PCDH15: variants seen among roughly 807,000 people sequenced by gnomAD.
PCDH15 encodes protocadherin-15.
PCDH15 carries 129 observed loss-of-function variants against 178.5 expected under a neutral mutation model. That is an observed-to-expected ratio of 0.72 (90% CI 0.63 to 0.84). PCDH15 has a LOEUF of 0.84. Ranked by LOEUF, PCDH15 falls within the 40% of genes least tolerant of loss-of-function variation. The pLI, the probability that PCDH15 is intolerant of heterozygous loss-of-function variation, is 0.00. For synonymous variants in PCDH15, 800 were observed against 732.0 expected (o/e 1.09, Z -1.50); for missense variants, 2,230 against 2,099.9 (o/e 1.06, Z -1.21).
chr10:55,071,041 C>G (rs1340776116), intron 2 of PCDH15, among the ~76,000 whole-genome samples: 1 of 152,048 alleles, frequency 6.6e-6, no homozygotes, highest in South Asian at 2.1e-4. Flanking sequence ...TACAGACAAG[C>G]AAATGCTGAG....
At chr10:54,628,249 A>G (rs1366993792) in intron 2 of PCDH15, among the ~76,000 whole-genome samples, 2 of 152,196 alleles carry the variant, frequency 1.3e-5, no homozygotes, top group Non-Finnish European at 2.9e-5. Flanking sequence ...ATGCACGAGA[A>G]GAAGCAGGAA....
rs78722682 is a variant in PCDH15 at position 55,316,739 on chromosome 10, T to C, written c.-156+2860A>G. On this transcript the variant is annotated intron_variant, in intron 1 of 5. Transcript: ENST00000458638. ...ACTTCTAAGTATCAGTTTCCTTTTC[T>C]GTAATACAGGCACATTAATATGTTA... 0.012 allele frequency among the ~76,000 whole-genome samples: 1,812 copies of C among 152,286 alleles called. 62 individuals carry two copies. The East Asian group carries it at 0.14, about 12-fold the overall frequency.
At chr10:54,908,473 G>A (rs1192620241) in intron 2 of PCDH15, among the ~76,000 whole-genome samples, 1 of 152,078 alleles carries the variant, frequency 6.6e-6, no homozygotes, top group Non-Finnish European at 1.5e-5. Context: ...CTAGGTCTGG[G>A]GCCCCACAAG....
At chr10:55,622,671 A>G (rs1041054028) in intron 2 of PCDH15, among the ~76,000 whole-genome samples, 1 of 152,176 alleles carries the variant, frequency 6.6e-6, no homozygotes, top group African/African-American at 2.4e-5. Context: ...TTCTTAGAAG[A>G]CTATCATGAA....
upstream of PCDH15, among the ~76,000 whole-genome samples, chr10:55,323,723 C>T (rs573893799): frequency 6.6e-6 from 1 of 152,240 alleles, no homozygotes; most frequent in East Asian, 1.9e-4. Flanking sequence ...ATTTTACAGG[C>T]TCATAGGCAG....
At chr10:54,618,103 C>A (rs1474240097) in intron 2 of PCDH15, among the ~76,000 whole-genome samples, 2 of 151,960 alleles carry the variant, frequency 1.3e-5, no homozygotes, top group Non-Finnish European at 2.9e-5. Flanking sequence ...TTCTAAAGTT[C>A]TTCTGTCATG....
intron 1 of PCDH15, among the ~76,000 whole-genome samples, chr10:54,749,424 G>A (rs1945899104): frequency 6.6e-6 from 1 of 152,020 alleles, no homozygotes; most frequent in African/African-American, 2.4e-5. Context: ...CAAAATTCTA[G>A]CAATTCTTTG....
At chr10:54,510,029 C>A (rs1396734402) in intron 3 of PCDH15, among the ~76,000 whole-genome samples, 5 of 152,140 alleles carry the variant, frequency 3.3e-5, no homozygotes, top group African/African-American at 1.2e-4. Flanking sequence ...GACTCAGTCA[C>A]TTCACTAATC....
intron 2 of PCDH15, among the ~76,000 whole-genome samples, chr10:55,057,144 C>T (rs1247881006): frequency 1.3e-5 from 2 of 152,188 alleles, no homozygotes; most frequent in African/African-American, 2.4e-5. Flanking sequence ...CAAGGGCCTA[C>T]ACTGTAGAGA....
intron 8 of PCDH15, among the ~76,000 whole-genome samples, chr10:54,261,458 A>G (rs1455690282): frequency 6.6e-6 from 1 of 152,054 alleles, no homozygotes; most frequent in African/African-American, 2.4e-5. Context: ...TAATAGGCAA[A>G]TTACAGATGA....
chr10:55,451,266 A>T (rs1448558286), intron 2 of PCDH15, among the ~76,000 whole-genome samples: 3 of 152,088 alleles, frequency 2.0e-5, no homozygotes, highest in Admixed American at 2.0e-4. Flanking sequence ...TGGGAGGCCA[A>T]GGTGGGTGGA....
chr10:54,433,804 C>T (rs1296913528), intron 3 of PCDH15, among the ~76,000 whole-genome samples: 1 of 151,988 alleles, frequency 6.6e-6, no homozygotes, highest in Non-Finnish European at 1.5e-5. Flanking sequence ...ATCTCACATA[C>T]CCCATAAATA....
chr10:55,231,498 A>G (rs1841222502), intron 1 of PCDH15, among the ~76,000 whole-genome samples: 1 of 152,074 alleles, frequency 6.6e-6, no homozygotes, highest in African/African-American at 2.4e-5. Flanking sequence ...TTATTTCATC[A>G]AATTACACAA....
chr10:54,392,907 A>G (rs1053195536), intron 3 of PCDH15, among the ~76,000 whole-genome samples: 1 of 151,990 alleles, frequency 6.6e-6, no homozygotes, highest in African/African-American at 2.4e-5. Context: ...TCAAAAAAAA[A>G]AAAAAAAAAA....
chr10:55,531,691 T>C (rs1841457534), intron 2 of PCDH15, among the ~76,000 whole-genome samples: 4 of 152,168 alleles, frequency 2.6e-5, no homozygotes. Flanking sequence ...GAATTGTTTC[T>C]GGCGAGTAAT....
intron 2 of PCDH15, among the ~76,000 whole-genome samples, chr10:54,535,206 G>T (rs1013962460): frequency 6.6e-6 from 1 of 152,028 alleles, no homozygotes; most frequent in South Asian, 2.1e-4. Context: ...AAACAACATT[G>T]TCTAGTAATA....
intron 20 of PCDH15, among the ~76,000 whole-genome samples, chr10:54,013,223 T>C (rs1287549710): frequency 1.3e-5 from 2 of 152,180 alleles, no homozygotes; most frequent in African/African-American, 4.8e-5. Context: ...ATCCCAAATA[T>C]ATATGCATCC....
intron 3 of PCDH15, among the ~76,000 whole-genome samples, chr10:54,504,173 G>A (rs1349284992): frequency 1.3e-5 from 2 of 151,964 alleles, no homozygotes; most frequent in East Asian, 3.9e-4. Context: ...CATATTTCTT[G>A]GATGTGACTT....
At chr10:55,093,322 A>G (rs894987331) in intron 2 of PCDH15, among the ~76,000 whole-genome samples, 1 of 151,998 alleles carries the variant, frequency 6.6e-6, no homozygotes, top group African/African-American at 2.4e-5. Context: ...AGTTTTACCT[A>G]TGTCAAATAA....
Sources: gnomAD v4.1 joint callset for allele counts (sites outside exome capture counted in the v4.1 genomes callset) on GRCh38, gnomAD v4.1.1 for gene constraint, MANE v1.5 for transcripts, NCBI Gene and HGNC (gene_info 2026-07-23, HGNC 2026-07-21) for gene names.